The following TMEM164 variants were observed in gnomAD, a reference collection of about 807,000 sequenced individuals.
TMEM164 encodes the protein RP13-360B22.2.
A neutral mutation model predicts 18.8 loss-of-function variants in TMEM164; 4 were observed. The observed-to-expected ratio is 0.21, with a 90% CI of 0.10 to 0.49. The LOEUF is 0.49. Ranked by LOEUF, TMEM164 falls within the 20% of genes least tolerant of loss-of-function variation. The pLI, the probability that TMEM164 is intolerant of heterozygous loss-of-function variation, is 0.98. For synonymous variants in TMEM164, 86 were observed against 101.7 expected (o/e 0.85, Z 0.93); for missense variants, 108 against 239.9 (o/e 0.45, Z 3.63).
intron 3 of TMEM164, among the ~76,000 whole-genome samples, chrX:110,082,910 T>C (rs1401972458): frequency 4.5e-5 from 5 of 111,974 alleles, no homozygotes. Context: ...GCTCATGGTC[T>C]CTGCTGAATT....
At chrX:110,033,412 T>G in intron 2 of TMEM164, among the ~76,000 whole-genome samples, 1 of 112,157 alleles carries the variant, frequency 8.9e-6, no homozygotes, top group Non-Finnish European at 1.9e-5. Context: ...TGGTAGTATG[T>G]TTTATTTGAA....
intron 2 of TMEM164, among the ~76,000 whole-genome samples, chrX:110,051,593 A>AAAAAAGAAAG (rs1555991740): frequency 9.7e-6 from 1 of 102,960 alleles, no homozygotes; most frequent in African/African-American, 3.5e-5. Context: ...CAAAAAAAAA[A>AAAAAAGAAAG]AAAGAAAGAA....
intron 4 of TMEM164, among the ~76,000 whole-genome samples, chrX:110,128,564 G>A (rs771887786): frequency 1.0e-3 from 113 of 111,475 alleles, no homozygotes; most frequent in African/African-American, 3.5e-3. Flanking sequence ...TGGTGTGTGG[G>A]TATATATCAT....
intron 2 of TMEM164, among the ~76,000 whole-genome samples, chrX:110,029,322 A>T (rs1267309011): frequency 1.8e-5 from 2 of 111,469 alleles, no homozygotes; most frequent in African/African-American, 6.5e-5. Context: ...TACAGACATT[A>T]CTTCTGGTTG....
intron 4 of TMEM164, among the ~76,000 whole-genome samples, chrX:110,118,107 C>T (rs1165027058): frequency 8.0e-5 from 9 of 111,908 alleles, no homozygotes; most frequent in Non-Finnish European, 3.8e-5. Flanking sequence ...GAGGCGGGGT[C>T]TCACCATGTT....
At chrX:110,154,202 C>A (rs1435873909) in intron 5 of TMEM164, among the ~76,000 whole-genome samples, 1 of 111,812 alleles carries the variant, frequency 8.9e-6, no homozygotes, top group Non-Finnish European at 1.9e-5. Flanking sequence ...CTCAAAAAAT[C>A]ATTGGCATTC....
At chrX:110,160,294 A>G (rs1418000949) in intron 5 of TMEM164, among the ~76,000 whole-genome samples, 2 of 111,837 alleles carry the variant, frequency 1.8e-5, no homozygotes, top group African/African-American at 6.5e-5. Flanking sequence ...CACCAGTGGT[A>G]TTAGCCCTAC....
intron 3 of TMEM164, among the ~76,000 whole-genome samples, chrX:110,096,215 G>T (rs903542908): frequency 1.8e-5 from 2 of 112,581 alleles, no homozygotes; most frequent in African/African-American, 6.4e-5. Context: ...CTTTAAAGCT[G>T]TCAGACAGGG....
At chrX:110,147,858 T>C (rs72618394) in intron 5 of TMEM164, among the ~76,000 whole-genome samples, 2 of 110,670 alleles carry the variant, frequency 1.8e-5, no homozygotes, top group East Asian at 5.7e-4. Context: ...TGTGAGAACG[T>C]AACTCCTGTT....
intron 5 of TMEM164, among the ~76,000 whole-genome samples, chrX:110,159,098 A>C (rs868272371): frequency 6.2e-5 from 7 of 112,043 alleles, no homozygotes; most frequent in Non-Finnish European, 1.1e-4. Flanking sequence ...CTAATCTAAT[A>C]AAATGTGGTT....
chrX:110,058,006 A>G (rs1304608112), intron 2 of TMEM164, among the ~76,000 whole-genome samples: 1 of 111,817 alleles, frequency 8.9e-6, no homozygotes, highest in South Asian at 3.7e-4. Context: ...TTGATGTCAT[A>G]TTCAAAAAAT....
chrX:110,129,218 T>C (rs57769875), intron 4 of TMEM164, among the ~76,000 whole-genome samples: 1,245 of 112,745 alleles, frequency 0.011, 16 homozygotes, highest in African/African-American at 0.038. Context: ...CCTAGTTCCT[T>C]TCCCTGCTAC....
intron 4 of TMEM164, among the ~76,000 whole-genome samples, chrX:110,127,369 C>T (rs774121824): frequency 3.6e-5 from 4 of 111,109 alleles, no homozygotes; most frequent in South Asian, 3.8e-4. Context: ...AAAAATTAGC[C>T]GAGTATGGTG....
At chrX:110,078,509 G>A (rs2065705398) in intron 3 of TMEM164, among the ~76,000 whole-genome samples, 1 of 111,671 alleles carries the variant, frequency 9.0e-6, no homozygotes, top group South Asian at 3.7e-4. Flanking sequence ...TGATCCCTCG[G>A]ATCATCACAT....
intron 3 of TMEM164, among the ~76,000 whole-genome samples, chrX:110,093,966 G>A (rs2065973902): frequency 1.8e-5 from 2 of 111,438 alleles, no homozygotes; most frequent in Admixed American, 9.6e-5. Flanking sequence ...TTCAGGAGCA[G>A]GTTGTTCAGT....
At chrX:110,107,956 AG>A (rs1392481690) in intron 3 of TMEM164, among the ~76,000 whole-genome samples, 1 of 110,815 alleles carries the variant, frequency 9.0e-6, no homozygotes, top group East Asian at 2.8e-4. Context: ...CACCGCACCC[AG>A]CCACATCTCT....
At chrX:110,020,772 T>TA in intron 2 of TMEM164, 3 of 607,891 alleles carry the variant, frequency 4.9e-6, no homozygotes, top group Non-Finnish European at 5.9e-6. Context: ...TGCCAGAATA[T>TA]TTATGGCATC....
intron 3 of TMEM164, among the ~76,000 whole-genome samples, chrX:110,073,433 G>C (rs887386104): frequency 2.4e-4 from 27 of 112,136 alleles, no homozygotes; most frequent in African/African-American, 8.4e-4. Context: ...GTGTTCGTTA[G>C]CTTAGGATAA....
At chrX:110,144,925 C>A in intron 5 of TMEM164, 49 bp downstream of exon 5, 1 of 1,044,440 alleles carries the variant, frequency 9.6e-7, no homozygotes. Flanking sequence ...CCTAACCTCT[C>A]CCTTCTGTTT....
Sources: allele counts gnomAD v4.1 joint callset (sites outside exome capture counted in the v4.1 genomes callset), GRCh38; gene constraint gnomAD v4.1.1; transcripts MANE v1.5; gene names NCBI Gene and HGNC (gene_info 2026-07-23, HGNC 2026-07-21).